PLEKHA7: variants seen among roughly 807,000 people sequenced by gnomAD.
PLEKHA7 encodes the protein pleckstrin homology domain-containing family A member 7.
A neutral mutation model predicts 170.0 loss-of-function variants in PLEKHA7; 104 were observed. That is an observed-to-expected ratio of 0.61 (90% CI 0.52 to 0.72). PLEKHA7 has a LOEUF of 0.72. Among genes scored for constraint, PLEKHA7 ranks in the 30% least tolerant of loss-of-function variants. The probability of loss-of-function intolerance (pLI) is 0.00; values close to 1 mark genes in which losing one functional copy is unlikely to be tolerated. For missense variants in PLEKHA7, 1,615 were observed against 1,671.7 expected (o/e 0.97, Z 0.59); for synonymous variants, 648 against 660.8 (o/e 0.98, Z 0.30).
At chr11:16,875,603 A>G (rs1001060948) in intron 3 of PLEKHA7, among the ~76,000 whole-genome samples, 7 of 152,126 alleles carry the variant, frequency 4.6e-5, no homozygotes, top group Admixed American at 6.5e-5. Context: ...GCACACCACC[A>G]TGCCCGGCTA....
intron 3 of PLEKHA7, among the ~76,000 whole-genome samples, chr11:16,978,806 A>T (rs1863227611): frequency 6.6e-6 from 1 of 152,190 alleles, no homozygotes; most frequent in African/African-American, 2.4e-5. Context: ...AAGCAATGAA[A>T]TTATCCAATG....
At chr11:16,965,360 C>T (rs1446927037) in intron 3 of PLEKHA7, among the ~76,000 whole-genome samples, 1 of 152,034 alleles carries the variant, frequency 6.6e-6, no homozygotes, top group African/African-American at 2.4e-5. Context: ...TATCTTAGAC[C>T]AATTCTTCCT....
chr11:16,789,320 A>T lies in PLEKHA7; in HGVS notation c.3157-24T>A. 1 of 1,609,684 alleles carries T rather than the reference A, an allele frequency of 6.2e-7. No homozygotes were observed. ...CTCTGAGGAAGAGGAGGCAGGCAAG[A>T]GAGACACAGAACAGCTGGGCTGGGC... is the stretch of plus-strand genomic sequence containing the variant. On this transcript the variant is annotated intron_variant, in intron 22 of 26. Transcript: ENST00000531066. This position sits in a 1 kb window ranked among gnomAD's most constrained non-coding sequence, Gnocchi z 4.6.
chr11:16,918,102 G>A (rs966788334), intron 3 of PLEKHA7, among the ~76,000 whole-genome samples: 1 of 152,200 alleles, frequency 6.6e-6, no homozygotes, highest in Non-Finnish European at 1.5e-5. Context: ...AGTATGGATA[G>A]ATGACTCAAT....
chr11:16,841,435 G>T, intron 9 of PLEKHA7, 112 bp downstream of exon 9: 1 of 1,181,590 alleles, frequency 8.5e-7, no homozygotes, highest in Non-Finnish European at 1.2e-6. Context: ...TAAAGAGAGG[G>T]CAATGCTTAA....
intron 4 of PLEKHA7, among the ~76,000 whole-genome samples, chr11:16,864,495 G>A (rs1854225653): frequency 6.6e-6 from 1 of 152,204 alleles, no homozygotes; most frequent in Non-Finnish European, 1.5e-5. Context: ...GTCTGATACA[G>A]TTTGGCTGTG....
At chr11:16,890,710 G>A (rs1856550201) in intron 3 of PLEKHA7, among the ~76,000 whole-genome samples, 2 of 152,000 alleles carry the variant, frequency 1.3e-5, no homozygotes, top group Admixed American at 1.3e-4. Flanking sequence ...ATTGATTGAG[G>A]TAACAGTTAT....
chr11:16,977,045 C>T (rs1264479582), intron 3 of PLEKHA7, among the ~76,000 whole-genome samples: 1 of 152,148 alleles, frequency 6.6e-6, no homozygotes, highest in Admixed American at 6.5e-5. Context: ...GCACCTCAGC[C>T]AGAGCATCCC....
chr11:16,818,826 CAG>C (rs367829512), intron 10 of PLEKHA7, among the ~76,000 whole-genome samples: 19 of 151,116 alleles, frequency 1.3e-4, no homozygotes, highest in East Asian at 1.2e-3. Flanking sequence ...TTTTTTGAGA[CAG>C]AGTCTTGCTC....
rs1002711874 is a variant in PLEKHA7, at chr11:16,783,764, G to GGCT, written c.3583_3585dup (p.Ser1195dup). ...CGGTACCGCGCCTGCAGCTCCTCAA[G>GGCT]GCTGGGTGGCTCTTCGGGATCTAGC... On this transcript the variant is annotated inframe_insertion, in exon 25 of 27. Coordinates refer to ENST00000531066, the MANE Select transcript of PLEKHA7 (RefSeq NM_001329630.2). 7 of 1,515,506 alleles carry GGCT rather than the reference G, an allele frequency of 4.6e-6. No individual in the cohort carries two copies. The African/African-American group carries it at 9.7e-5, about 21-fold the overall frequency. The allele number at this position is 1,515,506 out of a possible 1,614,324, so 93.9% of individuals were successfully genotyped here.
intron 3 of PLEKHA7, among the ~76,000 whole-genome samples, chr11:16,996,489 C>T (rs2136999829): frequency 6.6e-6 from 1 of 152,284 alleles, no homozygotes; most frequent in East Asian, 1.9e-4. Context: ...GGAATACAGG[C>T]CTGAGGTCAC....
intron 3 of PLEKHA7, among the ~76,000 whole-genome samples, chr11:16,923,312 C>A (rs1327171975): frequency 6.6e-6 from 1 of 152,154 alleles, no homozygotes; most frequent in Non-Finnish European, 1.5e-5. Flanking sequence ...CCTCAACTCA[C>A]AGAGTACCAG....
Position 16,871,112 on chromosome 11 carries a change from T to C in PLEKHA7, c.292A>G (p.Ile98Val). 1.3e-6 allele frequency: 2 copies of C among 1,598,358 alleles called. No individual in the cohort carries two copies. The highest frequency in any genetic ancestry group is 1.7e-4 in the Middle Eastern group (1 of 6,028). Residue 98 changes from isoleucine to valine, a missense_variant, in exon 4 of 27, where the codon ATT becomes GTT. Coordinates refer to ENST00000531066, the MANE Select transcript of PLEKHA7 (RefSeq NM_001329630.2). ...GQFSPENSEF[I>V]LQEEPNPHMS... ...AAAAAGACTTACTCTTCTTGAAGAATGAATTCACTATTTTCTGGAGAAAAC... is the reference window on the plus strand; with the variant it reads ...AAAAAGACTTACTCTTCTTGAAGAACGAATTCACTATTTTCTGGAGAAAAC...
At chr11:16,792,092 A>G (rs542692232) in intron 19 of PLEKHA7, among the ~76,000 whole-genome samples, 89 of 152,342 alleles carry the variant, frequency 5.8e-4, no homozygotes, top group African/African-American at 1.7e-3. Flanking sequence ...TTTATCAACA[A>G]TCTTCACTGA....
chr11:16,798,777 A>G (rs886824795), intron 17 of PLEKHA7, among the ~76,000 whole-genome samples: 3 of 152,140 alleles, frequency 2.0e-5, no homozygotes, highest in Admixed American at 6.5e-5. Context: ...ACTCATTCCA[A>G]CCCCAGCAAG....
intron 3 of PLEKHA7, among the ~76,000 whole-genome samples, chr11:16,979,615 C>T (rs1863292462): frequency 6.6e-6 from 1 of 152,074 alleles, no homozygotes; most frequent in Admixed American, 6.6e-5. Flanking sequence ...TTCCTCCAAC[C>T]CTTTCTAAAG....
chr11:16,885,531 G>A (rs995619590), intron 3 of PLEKHA7, among the ~76,000 whole-genome samples: 3 of 151,556 alleles, frequency 2.0e-5, no homozygotes, highest in African/African-American at 7.3e-5. Context: ...GGGAGTGGTG[G>A]CGGAGCCTGT....
intron 3 of PLEKHA7, among the ~76,000 whole-genome samples, chr11:17,011,343 C>T (rs1865313733): frequency 1.3e-5 from 2 of 152,160 alleles, no homozygotes; most frequent in Non-Finnish European, 2.9e-5. Flanking sequence ...GCATCGACTT[C>T]TTCCTCTCAG....
chr11:17,008,847 G>C (rs1027595499), intron 3 of PLEKHA7, among the ~76,000 whole-genome samples: 2 of 152,154 alleles, frequency 1.3e-5, no homozygotes, highest in African/African-American at 4.8e-5. Flanking sequence ...GCAGCCCAGT[G>C]TAATACTCTA....
Sources: allele counts gnomAD v4.1 joint callset (sites outside exome capture counted in the v4.1 genomes callset), GRCh38; gene constraint gnomAD v4.1.1; non-coding constraint Gnocchi (gnomAD v3.1); transcripts MANE v1.5; gene names NCBI Gene and HGNC (gene_info 2026-07-23, HGNC 2026-07-21).